Variants in MOB3B observed in about 807,000 individuals in gnomAD.
MOB3B encodes MOB kinase activator 3B.
In MOB3B, 7 loss-of-function variants were observed where a neutral mutation model predicts 18.7. That is an observed-to-expected ratio of 0.37 (90% CI 0.21 to 0.70). The LOEUF (loss-of-function observed/expected upper bound fraction) is 0.70, where lower values mean the gene tolerates loss of function less well. Among genes scored for constraint, MOB3B ranks in the 30% least tolerant of loss-of-function variants. The pLI is 0.52. For synonymous variants in MOB3B, 111 were observed against 99.9 expected (o/e 1.11, Z -0.66); for missense variants, 253 against 281.3 (o/e 0.90, Z 0.72).
chr9:27,438,916 C>G (rs976949743), intron 2 of MOB3B, among the ~76,000 whole-genome samples: 4 of 152,284 alleles, frequency 2.6e-5, no homozygotes, highest in Admixed American at 2.6e-4. Context: ...GAACCTACCA[C>G]TGACCTTACC....
At chr9:27,375,696 TAGA>T (rs951267098) in intron 2 of MOB3B, among the ~76,000 whole-genome samples, 2 of 152,076 alleles carry the variant, frequency 1.3e-5, no homozygotes, top group Non-Finnish European at 2.9e-5. Context: ...CTAACCCCAT[TAGA>T]AGAACCACCT....
intron 2 of MOB3B, among the ~76,000 whole-genome samples, chr9:27,363,414 G>A (rs1024074623): frequency 2.0e-5 from 3 of 151,466 alleles, no homozygotes; most frequent in Non-Finnish European, 4.4e-5. Flanking sequence ...GACTACAGGC[G>A]CCCGCCGCCA....
intron 2 of MOB3B, among the ~76,000 whole-genome samples, chr9:27,452,437 A>G (rs1243928871): frequency 6.6e-6 from 1 of 152,206 alleles, no homozygotes; most frequent in Non-Finnish European, 1.5e-5. Context: ...CATGAATAAA[A>G]CCAGAGTGGT....
chr9:27,345,733 G>GT (rs1265012744), intron 3 of MOB3B, among the ~76,000 whole-genome samples: 1 of 152,174 alleles, frequency 6.6e-6, no homozygotes, highest in Non-Finnish European at 1.5e-5. Flanking sequence ...CCTTACTCCT[G>GT]TTTCACCTGA....
In MOB3B at chr9:27,390,306, A is replaced by G. The variant is rs566060640; in HGVS notation, c.419-31070T>C. Reference sequence around the variant, plus strand: ...CACTCTGTGGCCCAGGCTGGAGTGCAGTGGGCGATCTCCGCTCACTGCCTC... The same window carrying G: ...CACTCTGTGGCCCAGGCTGGAGTGCGGTGGGCGATCTCCGCTCACTGCCTC... On this transcript the variant is annotated intron_variant, in intron 2 of 3. Coordinates refer to ENST00000262244, the MANE Select transcript of MOB3B (RefSeq NM_024761.5). Among the ~76,000 whole-genome samples the G allele has an allele frequency of 2.8e-4, 42 of 152,108 alleles. 1 individual carries two copies. The highest frequency in any genetic ancestry group is 9.6e-4 in the African/African-American group (40 of 41,494).
At chr9:27,446,998 T>C (rs942134785) in intron 2 of MOB3B, among the ~76,000 whole-genome samples, 1 of 94,682 alleles carries the variant, frequency 1.1e-5, no homozygotes, top group Non-Finnish European at 2.2e-5. Flanking sequence ...AATAGGAAAT[T>C]AGCATGAATT....
intron 1 of MOB3B, among the ~76,000 whole-genome samples, chr9:27,521,119 A>T (rs1820317988): frequency 6.6e-6 from 1 of 152,164 alleles, no homozygotes; most frequent in Non-Finnish European, 1.5e-5. Flanking sequence ...TGCCTAAAAC[A>T]CTCAGAACAT....
At chr9:27,488,112 A>G (rs768547289) in intron 1 of MOB3B, among the ~76,000 whole-genome samples, 1 of 151,952 alleles carries the variant, frequency 6.6e-6, no homozygotes, top group East Asian at 1.9e-4. Flanking sequence ...GCCCTACTAC[A>G]TTTCTCTGTG....
At chr9:27,468,328 G>A (rs1563876188) in intron 1 of MOB3B, among the ~76,000 whole-genome samples, 2 of 152,148 alleles carry the variant, frequency 1.3e-5, no homozygotes, top group African/African-American at 2.4e-5. Context: ...CCATGCCCCT[G>A]TATGTGGCTA....
chr9:27,510,770 T>TC (rs2131500824), intron 1 of MOB3B, among the ~76,000 whole-genome samples: 1 of 152,298 alleles, frequency 6.6e-6, no homozygotes, highest in East Asian at 1.9e-4. Flanking sequence ...TCTCTTTTAA[T>TC]CACATGATGC....
intron 3 of MOB3B, among the ~76,000 whole-genome samples, chr9:27,347,191 C>T (rs559931151): frequency 4.6e-5 from 7 of 152,206 alleles, no homozygotes; most frequent in Non-Finnish European, 1.0e-4. Flanking sequence ...ATGCCATTCA[C>T]GAGAGAGATG....
chr9:27,373,709 G>T (rs758158717), intron 2 of MOB3B, among the ~76,000 whole-genome samples: 2 of 152,098 alleles, frequency 1.3e-5, no homozygotes, highest in African/African-American at 2.4e-5. Context: ...AATTACATTG[G>T]CTCCGAAGAG....
chr9:27,474,672 T>C (rs1030834120), intron 1 of MOB3B, among the ~76,000 whole-genome samples: 3 of 152,186 alleles, frequency 2.0e-5, no homozygotes, highest in Admixed American at 1.3e-4. Context: ...GGAAGAGACA[T>C]TCATGACAAA....
intron 1 of MOB3B, among the ~76,000 whole-genome samples, chr9:27,457,773 A>G (rs566924751): frequency 6.6e-6 from 1 of 152,280 alleles, no homozygotes; most frequent in African/African-American, 2.4e-5. Context: ...AGGTCACATG[A>G]AACTTTCTGC....
intron 3 of MOB3B, among the ~76,000 whole-genome samples, chr9:27,338,668 AG>A (rs1403314092): frequency 6.6e-6 from 1 of 152,216 alleles, no homozygotes; most frequent in East Asian, 1.9e-4. Flanking sequence ...GAACAACAGC[AG>A]GGCAGCTCTT....
chr9:27,466,562 A>T (rs962890491), intron 1 of MOB3B, among the ~76,000 whole-genome samples: 1 of 152,120 alleles, frequency 6.6e-6, no homozygotes, highest in African/African-American at 2.4e-5. Context: ...GTCCATTTTC[A>T]TGCTGCTGAT....
chr9:27,395,959 AAATCAC>A (rs1323545525), intron 2 of MOB3B, among the ~76,000 whole-genome samples: 7 of 152,216 alleles, frequency 4.6e-5, no homozygotes, highest in Non-Finnish European at 1.0e-4. Flanking sequence ...AAAAGTGAGG[AAATCAC>A]AATTATTGTG....
intron 2 of MOB3B, among the ~76,000 whole-genome samples, chr9:27,439,809 G>A (rs1187094413): frequency 2.0e-5 from 3 of 152,152 alleles, no homozygotes; most frequent in Non-Finnish European, 4.4e-5. Flanking sequence ...AAAATGGAAT[G>A]GAGCCAGAAA....
chr9:27,498,883 A>G (rs1198051976), intron 1 of MOB3B, among the ~76,000 whole-genome samples: 2 of 152,252 alleles, frequency 1.3e-5, no homozygotes, highest in Non-Finnish European at 2.9e-5. Context: ...AAGAAAAATC[A>G]ACACTTTCTA....
Sources: gnomAD v4.1 joint callset for allele counts (sites outside exome capture counted in the v4.1 genomes callset) on GRCh38, gnomAD v4.1.1 for gene constraint, MANE v1.5 for transcripts, NCBI Gene and HGNC (gene_info 2026-07-23, HGNC 2026-07-21) for gene names.